The following R3HCC1L variants were observed in gnomAD, a reference collection of about 807,000 sequenced individuals.
The protein encoded by R3HCC1L is R3H domain and coiled-coil containing 1 like, also known as coiled-coil domain-containing protein R3HCC1L.
Under a neutral mutation model 59.9 loss-of-function variants are expected in R3HCC1L, and 51 were observed. The observed-to-expected ratio is 0.85, with a 90% CI of 0.68 to 1.07. The LOEUF is 1.07. Ranked by LOEUF, R3HCC1L falls within the 50% of genes least tolerant of loss-of-function variation. The pLI is 0.00. For missense variants in R3HCC1L, 965 were observed against 933.0 expected (o/e 1.03, Z -0.45); for synonymous variants, 322 against 315.2 (o/e 1.02, Z -0.23).
chr10:98,148,951 T>A (rs560208747), intron 1 of R3HCC1L, among the ~76,000 whole-genome samples: 1 of 152,176 alleles, frequency 6.6e-6, no homozygotes, highest in Admixed American at 6.5e-5. Context: ...GAATTGGTAT[T>A]CTTTGAATGT....
intron 9 of R3HCC1L, among the ~76,000 whole-genome samples, chr10:98,241,642 T>C (rs1357650645): frequency 6.6e-6 from 1 of 152,236 alleles, no homozygotes; most frequent in African/African-American, 2.4e-5. Flanking sequence ...TCAGCTATTA[T>C]CTGCTTTCCT....
rs1038407666 is a variant in R3HCC1L, at chr10:98,244,229, T to G, written c.*71T>G. 3.5e-6 allele frequency: 5 copies of G among 1,431,970 alleles called. No homozygotes were observed. The Admixed American group carries it at 6.8e-5, about 19-fold the overall frequency. 88.7% of individuals were successfully genotyped at this position (1,431,970 alleles called of 1,614,324 possible). On this transcript the variant is annotated 3_prime_UTR_variant, in exon 10 of 10. Transcript: ENST00000298999. ...CCATAGCCTTCAGATAAGATGATCCTTCCAGAGCTCTATGTACATGCAGAT... is the reference window on the plus strand; with the variant it reads ...CCATAGCCTTCAGATAAGATGATCCGTCCAGAGCTCTATGTACATGCAGAT...
rs976380480 is a variant in R3HCC1L, at chr10:98,209,631, G to A, written c.1517G>A (p.Gly506Asp). Residue 506 changes from glycine (G) to aspartate (D), a missense_variant, in exon 5 of 10, where the codon GGC (glycine) becomes GAC (aspartate). Coordinates refer to ENST00000298999, the MANE Select transcript of R3HCC1L (RefSeq NM_001351015.2). ...AAAGTTCTTTCAGACAGTGCCGTGG[G>A]CATTGACCTGGGTAGTACTGGTGAT... ...GTKVLSDSAV[G>D]IDLGSTGDTT... 5.0e-6 allele frequency: 8 copies of A among 1,613,872 alleles called. No individual in the cohort carries two copies. The highest frequency in any genetic ancestry group is 6.8e-6 in the Non-Finnish European group (8 of 1,179,966).
At chr10:98,223,011 G>T (rs973543896) in intron 5 of R3HCC1L, among the ~76,000 whole-genome samples, 1 of 151,864 alleles carries the variant, frequency 6.6e-6, no homozygotes, top group South Asian at 2.1e-4. Context: ...TCTCTGAATA[G>T]ACCAATAACA....
chr10:98,159,746 T>A (rs1049366497), intron 2 of R3HCC1L, among the ~76,000 whole-genome samples: 19 of 152,230 alleles, frequency 1.2e-4, no homozygotes, highest in Non-Finnish European at 2.2e-4. Flanking sequence ...CTGTCATTCT[T>A]TGAGCATGTA....
chr10:98,228,299 A>T (rs1169112727), intron 5 of R3HCC1L, among the ~76,000 whole-genome samples: 3 of 152,078 alleles, frequency 2.0e-5, no homozygotes, highest in Non-Finnish European at 4.4e-5. Flanking sequence ...ATGGTATCTC[A>T]TTGTGGTTTT....
At chr10:98,228,811 G>A (rs1162472562) in intron 5 of R3HCC1L, among the ~76,000 whole-genome samples, 1 of 152,212 alleles carries the variant, frequency 6.6e-6, no homozygotes. Flanking sequence ...TGGCCAGCCA[G>A]TTTTCCCAGC....
chr10:98,201,545 C>T (rs988152429), intron 4 of R3HCC1L, among the ~76,000 whole-genome samples: 2 of 152,166 alleles, frequency 1.3e-5, no homozygotes, highest in African/African-American at 4.8e-5. Context: ...CCGTACCCTC[C>T]CATGTGCCTT....
rs183319932 is a variant in R3HCC1L at position 98,172,398 on chromosome 10, G to T, written c.-15+9001G>T. On this transcript the variant is annotated intron_variant, in intron 4 of 9. Coordinates refer to ENST00000298999, the MANE Select transcript of R3HCC1L (RefSeq NM_001351015.2). ...CTGTAACATTTTTAGCGTGGTTCAT[G>T]ACAGCAAAGCTGAGGTGTTAGGATT... Among the ~76,000 whole-genome samples the T allele has an allele frequency of 2.3e-4, 35 of 152,304 alleles. 1 individual carries two copies. The South Asian group carries it at 4.8e-3, about 21-fold the overall frequency.
chr10:98,222,703 A>G (rs1433494315), intron 5 of R3HCC1L, among the ~76,000 whole-genome samples: 4 of 152,174 alleles, frequency 2.6e-5, no homozygotes, highest in African/African-American at 9.7e-5. Flanking sequence ...CATATATTGA[A>G]CCAGCCTTGC....
At chr10:98,219,326 A>G (rs926228386) in intron 5 of R3HCC1L, among the ~76,000 whole-genome samples, 3 of 152,208 alleles carry the variant, frequency 2.0e-5, no homozygotes, top group African/African-American at 7.2e-5. Flanking sequence ...ACTTCCAGGC[A>G]ATATGTGTCT....
At chr10:98,199,498 A>G (rs550484508) in intron 4 of R3HCC1L, among the ~76,000 whole-genome samples, 12 of 152,112 alleles carry the variant, frequency 7.9e-5, no homozygotes, top group Non-Finnish European at 1.5e-4. Context: ...AATTTAAACA[A>G]TACTGTGGCA....
chr10:98,235,484 A>G lies in R3HCC1L; in HGVS notation c.2092A>G (p.Thr698Ala). The G allele has an allele frequency of 6.2e-7, 1 of 1,613,792 alleles. No homozygotes were observed. Among genetic ancestry groups the G allele is most frequent in the Non-Finnish European group, 8.5e-7 (1 of 1,179,810 alleles). Reference sequence around the variant, plus strand: ...GAAGATTCGTCCCTTGTCACAGGCCACAAGAGCAGCCAAGGCCAAAGCTAG... The same window carrying G: ...GAAGATTCGTCCCTTGTCACAGGCCGCAAGAGCAGCCAAGGCCAAAGCTAG... ...MVKIRPLSQA[T>A]RAAKAKARAY... The change falls in exon 8 of 10, where the codon ACA (threonine) becomes GCA (alanine). Residue 698 changes from threonine to alanine, a missense_variant. Thr to Ala is a moderately conservative substitution (Grantham distance 58). Coordinates refer to ENST00000298999, the MANE Select transcript of R3HCC1L (RefSeq NM_001351015.2).
chr10:98,161,672 A>G (rs904726209), intron 2 of R3HCC1L, among the ~76,000 whole-genome samples: 2 of 152,176 alleles, frequency 1.3e-5, no homozygotes, highest in Non-Finnish European at 2.9e-5. Flanking sequence ...AAAAATGAAT[A>G]AAAAGACGAA....
chr10:98,242,420 C>T lies in R3HCC1L; in HGVS notation c.2270-1671C>T, dbSNP rs79578374. Among the ~76,000 whole-genome samples the T allele has an allele frequency of 9.4e-4, 143 of 152,244 alleles. 1 individual carries two copies. Among genetic ancestry groups the T allele is most frequent in the African/African-American group, 3.4e-3 (142 of 41,540 alleles). On this transcript the variant is annotated intron_variant, in intron 9 of 9. Transcript: ENST00000298999. ...TAATATGGTATCTGTCTTATAACGCCAAAATCAGACACATTAATATTTCTG... is the reference window on the plus strand; with the variant it reads ...TAATATGGTATCTGTCTTATAACGCTAAAATCAGACACATTAATATTTCTG...
At chr10:98,183,620 C>A (rs980565470) in intron 4 of R3HCC1L, among the ~76,000 whole-genome samples, 1 of 152,090 alleles carries the variant, frequency 6.6e-6, no homozygotes, top group East Asian at 1.9e-4. Context: ...TGTCCCATAG[C>A]ACTTGGATGT....
chr10:98,224,514 C>T (rs1343265632), intron 5 of R3HCC1L, among the ~76,000 whole-genome samples: 1 of 152,116 alleles, frequency 6.6e-6, no homozygotes, highest in East Asian at 1.9e-4. Context: ...CTGCTAGGCC[C>T]TAAGTGTCTT....
At chr10:98,206,182 CTG>C (rs776316743) in intron 4 of R3HCC1L, among the ~76,000 whole-genome samples, 4 of 151,940 alleles carry the variant, frequency 2.6e-5, no homozygotes, top group Non-Finnish European at 4.4e-5. Flanking sequence ...TTTCTAGACT[CTG>C]TAATCTAAGA....
At chr10:98,196,887 T>C (rs2135003047) in intron 4 of R3HCC1L, among the ~76,000 whole-genome samples, 1 of 152,318 alleles carries the variant, frequency 6.6e-6, no homozygotes, top group African/African-American at 2.4e-5. Flanking sequence ...CTACTAATTC[T>C]GGCCCTTAGC....
Sources: allele counts gnomAD v4.1 joint callset (sites outside exome capture counted in the v4.1 genomes callset), GRCh38; gene constraint gnomAD v4.1.1; transcripts MANE v1.5; gene names NCBI Gene and HGNC (gene_info 2026-07-23, HGNC 2026-07-21).